LRP1B: variants seen among roughly 807,000 people sequenced by gnomAD.
The protein encoded by LRP1B is LDL receptor related protein 1B.
LRP1B carries 217 observed loss-of-function variants against 556.6 expected under a neutral mutation model. That is an observed-to-expected ratio of 0.39 (90% CI 0.35 to 0.44). The LOEUF is 0.44. Among genes scored for constraint, LRP1B ranks in the 20% least tolerant of loss-of-function variants. The probability of loss-of-function intolerance (pLI) is 1.00; values close to 1 mark genes in which losing one functional copy is unlikely to be tolerated. For missense variants in LRP1B, 5,053 were observed against 5,620.8 expected (o/e 0.90, Z 3.23); for synonymous variants, 2,047 against 1,865.8 (o/e 1.10, Z -2.50).
chr2:140,559,159 T>G (rs1352459081), intron 43 of LRP1B, among the ~76,000 whole-genome samples: 1 of 152,174 alleles, frequency 6.6e-6, no homozygotes, highest in Non-Finnish European at 1.5e-5. Context: ...TGTCATAGTA[T>G]ACAGTATGCA....
chr2:140,868,218 T>C lies in LRP1B; in HGVS notation c.4215A>G (p.Glu1405=). 1.2e-6 allele frequency: 2 copies of C among 1,600,672 alleles called. No individual in the cohort carries two copies. The highest frequency in any genetic ancestry group is 1.7e-6 in the Non-Finnish European group (2 of 1,175,234). Residue 1405 remains glutamate, a synonymous_variant, in exon 26 of 91, where the codon GAA becomes GAG. Coordinates refer to ENST00000389484, the MANE Select transcript of LRP1B (RefSeq NM_018557.3). ...TCCCAGCACCACTCATAGAGGCAGA[T>C]TCAATGCGAGGAAAATTTGCATCCC... is the stretch of plus-strand genomic sequence containing the variant. ...TDWDANFPRI[E]SASMSGAGRK...
intron 2 of LRP1B, among the ~76,000 whole-genome samples, chr2:141,557,562 CCT>C (rs1686005076): frequency 1.3e-5 from 2 of 152,006 alleles, no homozygotes; most frequent in South Asian, 4.1e-4. Flanking sequence ...CACATCCGTT[CCT>C]GAAAAGAAGA....
At chr2:141,561,581 C>T (rs1686154238) in intron 2 of LRP1B, among the ~76,000 whole-genome samples, 1 of 151,788 alleles carries the variant, frequency 6.6e-6, no homozygotes, top group Non-Finnish European at 1.5e-5. Flanking sequence ...TCATTTCCCA[C>T]AACATGTGCA....
At chr2:141,324,915 T>A (rs1687379180) in intron 3 of LRP1B, among the ~76,000 whole-genome samples, 1 of 152,104 alleles carries the variant, frequency 6.6e-6, no homozygotes, top group Admixed American at 6.6e-5. Flanking sequence ...ATTTTTCATA[T>A]ATACGGTTCA....
chr2:141,209,562 C>T (rs1291302190), intron 6 of LRP1B, among the ~76,000 whole-genome samples: 1 of 152,174 alleles, frequency 6.6e-6, no homozygotes, highest in Non-Finnish European at 1.5e-5. Flanking sequence ...GGAATTCTCA[C>T]AATTTTCAAC....
intron 77 of LRP1B, among the ~76,000 whole-genome samples, chr2:140,345,099 T>G (rs938327500): frequency 4.0e-5 from 6 of 151,690 alleles, no homozygotes; most frequent in Admixed American, 6.6e-5. Flanking sequence ...TACTTTGTAG[T>G]GTGTTATCCT....
chr2:140,291,541 A>T (rs1003227271), intron 84 of LRP1B, among the ~76,000 whole-genome samples: 1 of 151,176 alleles, frequency 6.6e-6, no homozygotes, highest in Non-Finnish European at 1.5e-5. Flanking sequence ...GTTCCCACCC[A>T]TGACTGAGAA....
At chr2:140,776,351 C>T in intron 32 of LRP1B, 113 bp from the exon 33 acceptor site, 7 of 688,464 alleles carry the variant, frequency 1.0e-5, no homozygotes, top group Non-Finnish European at 1.5e-5. Context: ...TTTCCAAACT[C>T]TGTTTCTAAG....
chr2:141,878,129 A>G (rs1574456040), intron 1 of LRP1B, among the ~76,000 whole-genome samples: 1 of 152,136 alleles, frequency 6.6e-6, no homozygotes, highest in South Asian at 2.1e-4. Context: ...TACTTCTTAA[A>G]ACATAGAAAG....
intron 12 of LRP1B, 147 bp downstream of exon 12, chr2:141,019,775 C>T: frequency 1.8e-6 from 1 of 543,140 alleles, no homozygotes; most frequent in Non-Finnish European, 3.1e-6. Context: ...CAGAAAAACC[C>T]TTAAATGTGT....
intron 3 of LRP1B, among the ~76,000 whole-genome samples, chr2:141,435,646 G>A (rs1264273458): frequency 6.6e-6 from 1 of 152,118 alleles, no homozygotes; most frequent in African/African-American, 2.4e-5. Flanking sequence ...TCCCACTCTG[G>A]TGCACACTGG....
At chr2:140,643,437 C>G (rs1684373600) in intron 41 of LRP1B, among the ~76,000 whole-genome samples, 1 of 152,038 alleles carries the variant, frequency 6.6e-6, no homozygotes, top group Admixed American at 6.6e-5. Context: ...ATAGAATAAA[C>G]AAGCTGTTTA....
intron 3 of LRP1B, among the ~76,000 whole-genome samples, chr2:141,418,202 T>C (rs1490374237): frequency 6.6e-6 from 1 of 152,186 alleles, no homozygotes; most frequent in Non-Finnish European, 1.5e-5. Flanking sequence ...TTTCACTCTG[T>C]TGATTGTTTC....
chr2:140,625,312 C>T (rs1247820481), intron 41 of LRP1B, among the ~76,000 whole-genome samples: 1 of 151,926 alleles, frequency 6.6e-6, no homozygotes, highest in Non-Finnish European at 1.5e-5. Flanking sequence ...GACAAAAGAA[C>T]ACAATAATTT....
chr2:141,076,648 C>A (rs1699793523), intron 7 of LRP1B, among the ~76,000 whole-genome samples: 1 of 152,108 alleles, frequency 6.6e-6, no homozygotes, highest in Admixed American at 6.6e-5. Flanking sequence ...TTTACTGTAA[C>A]CTTATGAATA....
At chr2:140,298,052 G>T in intron 83 of LRP1B, 83 bp from the exon 84 acceptor site, 1 of 1,312,862 alleles carries the variant, frequency 7.6e-7, no homozygotes, top group Non-Finnish European at 1.0e-6. Context: ...GATAAAAGTT[G>T]AGAAGCCAGG....
At chr2:141,915,811 C>CA (rs1293238530) in intron 1 of LRP1B, among the ~76,000 whole-genome samples, 2 of 151,976 alleles carry the variant, frequency 1.3e-5, no homozygotes, top group African/African-American at 4.8e-5. Flanking sequence ...GACAAGTGGC[C>CA]AACAAACATA....
chr2:141,245,829 T>A (rs1684045481), intron 5 of LRP1B, among the ~76,000 whole-genome samples: 1 of 152,142 alleles, frequency 6.6e-6, no homozygotes, highest in African/African-American at 2.4e-5. Flanking sequence ...AGTGGAGCAC[T>A]CATTTTAGTA....
At chr2:141,802,392 G>C (rs1427168066) in intron 2 of LRP1B, among the ~76,000 whole-genome samples, 2 of 152,062 alleles carry the variant, frequency 1.3e-5, no homozygotes, top group African/African-American at 4.8e-5. Context: ...TCTCTCCTTT[G>C]AGAGCAATTT....
Sources: allele counts gnomAD v4.1 joint callset (sites outside exome capture counted in the v4.1 genomes callset), GRCh38; gene constraint gnomAD v4.1.1; transcripts MANE v1.5; gene names NCBI Gene and HGNC (gene_info 2026-07-23, HGNC 2026-07-21).